Variants in PLEKHM3 observed in about 807,000 individuals in gnomAD.
PLEKHM3 encodes pleckstrin homology domain-containing family M member 3.
Under a neutral mutation model 81.8 loss-of-function variants are expected in PLEKHM3, and 45 were observed. That is an observed-to-expected ratio of 0.55 (90% CI 0.43 to 0.71). PLEKHM3 has a LOEUF of 0.71. Among genes scored for constraint, PLEKHM3 ranks in the 30% least tolerant of loss-of-function variants. The pLI is 0.00. For missense variants in PLEKHM3, 788 were observed against 924.3 expected (o/e 0.85, Z 1.91); for synonymous variants, 352 against 356.4 (o/e 0.99, Z 0.14).
At chr2:207,960,404 T>C (rs1467418254) in intron 3 of PLEKHM3, among the ~76,000 whole-genome samples, 1 of 152,134 alleles carries the variant, frequency 6.6e-6, no homozygotes, top group East Asian at 1.9e-4. Flanking sequence ...AGGAAGCAGG[T>C]TTCTGTCTGC....
intron 2 of PLEKHM3, among the ~76,000 whole-genome samples, chr2:207,999,759 AAG>A: frequency 6.6e-6 from 1 of 152,340 alleles, no homozygotes; most frequent in South Asian, 2.1e-4. Flanking sequence ...AGATTTGAAA[AAG>A]ATGAATTTCA....
chr2:207,874,622 T>C (rs2092551717), intron 6 of PLEKHM3, among the ~76,000 whole-genome samples: 2 of 150,580 alleles, frequency 1.3e-5, no homozygotes, highest in Admixed American at 1.3e-4. Flanking sequence ...GATGGAATCT[T>C]GCTCTGTCGC....
intron 1 of PLEKHM3, among the ~76,000 whole-genome samples, chr2:208,006,353 A>C (rs147203547): frequency 8.1e-4 from 124 of 152,374 alleles, no homozygotes; most frequent in African/African-American, 2.7e-3. Flanking sequence ...TTCCTCTGAC[A>C]AAGTGAAGGG....
In PLEKHM3 at chr2:207,976,734, T is replaced by C. The variant is rs1559265550; in HGVS notation, c.1463A>G (p.Gln488Arg). 1.2e-6 allele frequency: 2 copies of C among 1,614,238 alleles called. No individual in the cohort carries two copies. The highest frequency in any genetic ancestry group is 1.6e-4 in the Middle Eastern group (1 of 6,062). ...GGHELRKNKR[Q>R]SVTTSFLSIL... The stretch of plus-strand genomic sequence containing the variant: ...GCTCAGGAAGCTGGTAGTCACAGAT[T>C]GGCGTTTGTTCTTCCTGAGTTCATG... Residue 488 changes from glutamine (Q) to arginine (R), a missense_variant, in exon 3 of 8, where the codon CAA becomes CGA. Coordinates refer to ENST00000427836, the MANE Select transcript of PLEKHM3 (RefSeq NM_001080475.3). The surrounding 1 kb of genome is among the most constrained non-coding windows in gnomAD (Gnocchi z 4.1).
chr2:207,890,457 A>G (rs1688028157), intron 6 of PLEKHM3, among the ~76,000 whole-genome samples: 3 of 152,070 alleles, frequency 2.0e-5, no homozygotes, highest in Non-Finnish European at 4.4e-5. Context: ...GTGAAACCCC[A>G]TCTCTACAAA....
At chr2:207,999,939 A>G (rs975643130) in intron 2 of PLEKHM3, among the ~76,000 whole-genome samples, 7 of 152,226 alleles carry the variant, frequency 4.6e-5, no homozygotes, top group African/African-American at 1.7e-4. Flanking sequence ...AATGTCTCCT[A>G]GTTAATTGAG....
intron 6 of PLEKHM3, among the ~76,000 whole-genome samples, chr2:207,868,125 C>T (rs889764599): frequency 5.9e-5 from 9 of 152,186 alleles, no homozygotes; most frequent in African/African-American, 2.2e-4. Context: ...CAGTCCTCAA[C>T]AGGGCTCAGC....
At chr2:207,985,974 C>G (rs1421662627) in intron 2 of PLEKHM3, among the ~76,000 whole-genome samples, 2 of 133,410 alleles carry the variant, frequency 1.5e-5, no homozygotes, top group East Asian at 2.1e-4. Flanking sequence ...GGCAACAGAG[C>G]GAGACTCCGT....
intron 6 of PLEKHM3, among the ~76,000 whole-genome samples, chr2:207,873,997 T>C (rs1327168578): frequency 1.3e-5 from 2 of 152,174 alleles, no homozygotes; most frequent in African/African-American, 2.4e-5. Flanking sequence ...CTAAGATGGT[T>C]GGGGATTTTT....
At chr2:207,908,789 C>T (rs932020133) in intron 5 of PLEKHM3, among the ~76,000 whole-genome samples, 13 of 152,166 alleles carry the variant, frequency 8.5e-5, no homozygotes, top group Admixed American at 6.5e-5. Context: ...AAAGTTTGAT[C>T]TTTGACTTCT....
Position 208,022,257 on chromosome 2 carries a change from T to C in PLEKHM3, c.-319+3132A>G, listed in dbSNP as rs1050446287. ...GGAAAAAATGATACTTTGCTATTGT[T>C]TCAATTTTTCTTTCTGTATTAGTTT... is the stretch of plus-strand genomic sequence containing the variant. On this transcript the variant is annotated intron_variant, in intron 1 of 7. Transcript: ENST00000427836. 3.2e-4 allele frequency among the ~76,000 whole-genome samples: 49 copies of C among 152,250 alleles called. 1 individual carries two copies. Among genetic ancestry groups the C allele is most frequent in the African/African-American group, 1.0e-3 (43 of 41,460 alleles).
chr2:207,997,783 T>C (rs2106083358), intron 2 of PLEKHM3, among the ~76,000 whole-genome samples: 1 of 152,186 alleles, frequency 6.6e-6, no homozygotes, highest in South Asian at 2.1e-4. Flanking sequence ...AAGGAAGAGG[T>C]CTTGCCTGAC....
intron 7 of PLEKHM3, among the ~76,000 whole-genome samples, chr2:207,830,264 C>T (rs1378384034): frequency 6.6e-6 from 1 of 152,032 alleles, no homozygotes; most frequent in Non-Finnish European, 1.5e-5. Context: ...TATGTTAAAC[C>T]CCTTACCCAC....
intron 7 of PLEKHM3, among the ~76,000 whole-genome samples, chr2:207,847,487 T>C (rs536475041): frequency 2.4e-4 from 37 of 151,882 alleles, no homozygotes; most frequent in African/African-American, 6.0e-4. Context: ...ATCTGGGGAG[T>C]CATCACCCTG....
chr2:207,977,716 A>G, intron 2 of PLEKHM3, 130 bp from the exon 3 acceptor site: 1 of 795,596 alleles, frequency 1.3e-6, no homozygotes, highest in East Asian at 2.7e-5. Context: ...TTCAAATTAA[A>G]CAAAATAAAA....
Position 207,828,252 on chromosome 2 carries a change from T to C in PLEKHM3, c.*67A>G. 6.5e-7 allele frequency: 1 copy of C among 1,531,572 alleles called. No homozygotes were observed. Among genetic ancestry groups the C allele is most frequent in the Non-Finnish European group, 8.8e-7 (1 of 1,133,868 alleles). 94.9% of individuals were successfully genotyped at this position (1,531,572 alleles called of 1,614,324 possible). A position where few individuals can be genotyped will look rare whatever the true frequency, so the allele number is the denominator to read the frequency against. On this transcript the variant is annotated 3_prime_UTR_variant, in exon 8 of 8. Transcript: ENST00000427836. ...CTTCCAAAGGGGTCTAACTGGCTAG[T>C]TAGGAGGCCGCTCTGGGGCTGATGG...
intron 6 of PLEKHM3, among the ~76,000 whole-genome samples, chr2:207,878,673 C>T (rs1559218114): frequency 6.6e-6 from 1 of 152,218 alleles, no homozygotes; most frequent in Middle Eastern, 3.4e-3. Context: ...ATATTTTTGT[C>T]ATTACCAATT....
intron 4 of PLEKHM3, among the ~76,000 whole-genome samples, chr2:207,942,682 C>G (rs751204763): frequency 4.6e-5 from 7 of 152,174 alleles, no homozygotes; most frequent in Admixed American, 1.3e-4. Context: ...GGGTGGATCA[C>G]AAGGTCAAGA....
rs535507038 is a variant in PLEKHM3, at chr2:207,913,135, G to A, written c.1887-4558C>T. On this transcript the variant is annotated intron_variant, in intron 5 of 7. Transcript: ENST00000427836. Reference sequence around the variant, plus strand: ...AAGGGGTCTGAAAAACAGGACTAAGGAAGAGGAGTTGTCTTGGTGGGGGAA... The same window carrying A: ...AAGGGGTCTGAAAAACAGGACTAAGAAAGAGGAGTTGTCTTGGTGGGGGAA... 1.8e-4 allele frequency among the ~76,000 whole-genome samples: 28 copies of A among 152,224 alleles called. 1 individual carries two copies. The South Asian group carries it at 5.8e-3, about 32-fold the overall frequency.
Sources: allele counts gnomAD v4.1 joint callset (sites outside exome capture counted in the v4.1 genomes callset), GRCh38; gene constraint gnomAD v4.1.1; non-coding constraint Gnocchi (gnomAD v3.1); transcripts MANE v1.5; gene names NCBI Gene and HGNC (gene_info 2026-07-23, HGNC 2026-07-21).